The following STRN variants were observed in gnomAD, a reference collection of about 807,000 sequenced individuals.
The protein encoded by STRN is striatin.
In STRN, 53 loss-of-function variants were observed where a neutral mutation model predicts 96.3. The ratio of observed to expected loss-of-function variants is 0.55; its 90% CI spans 0.44 to 0.69. STRN has a LOEUF of 0.69. Among genes scored for constraint, STRN ranks in the 30% least tolerant of loss-of-function variants. The pLI, the probability that STRN is intolerant of heterozygous loss-of-function variation, is 0.00. For missense variants in STRN, 987 were observed against 963.9 expected (o/e 1.02, Z -0.32); for synonymous variants, 428 against 355.9 (o/e 1.20, Z -2.28).
intron 1 of STRN, among the ~76,000 whole-genome samples, chr2:36,953,389 T>C (rs1444116352): frequency 1.3e-5 from 2 of 151,564 alleles, no homozygotes; most frequent in African/African-American, 2.4e-5. Context: ...CATTATCTTA[T>C]ACAGATAAGG....
At chr2:36,880,480 T>C (rs1669041292) in intron 9 of STRN, among the ~76,000 whole-genome samples, 1 of 152,138 alleles carries the variant, frequency 6.6e-6, no homozygotes, top group Admixed American at 6.5e-5. Context: ...TTAAAAACAG[T>C]AGTGACAAAC....
At chr2:36,909,325 A>G (rs1449246275) in intron 3 of STRN, among the ~76,000 whole-genome samples, 1 of 152,134 alleles carries the variant, frequency 6.6e-6, no homozygotes, top group East Asian at 1.9e-4. Flanking sequence ...ACATTATATA[A>G]AAGTGAGGAT....
At chr2:36,862,500 A>C (rs952144610) in intron 12 of STRN, among the ~76,000 whole-genome samples, 1 of 152,086 alleles carries the variant, frequency 6.6e-6, no homozygotes, top group South Asian at 2.1e-4. Context: ...TGTAATAATA[A>C]GTGTTGTTGA....
intron 10 of STRN, among the ~76,000 whole-genome samples, chr2:36,870,599 T>C (rs533983341): frequency 2.6e-5 from 4 of 152,328 alleles, no homozygotes; most frequent in Admixed American, 6.5e-5. Context: ...ACTCACATGT[T>C]TGTGGTGATG....
At chr2:36,873,491 C>G (rs80309070) in intron 10 of STRN, among the ~76,000 whole-genome samples, 6,152 of 152,008 alleles carry the variant, frequency 0.04, 193 homozygotes, top group East Asian at 0.13. Context: ...GCCCAGAAGG[C>G]AGAAGTTGCA....
chr2:36,886,722 C>G lies in STRN; in HGVS notation c.1036G>C (p.Val346Leu). The change falls in exon 8 of 18, where the codon GTG becomes CTG. Residue 346 changes from valine to leucine, a missense_variant. Transcript: ENST00000263918. ...TACAATGTTTTCCACTTACTCTTCA[C>G]CCCCTTTTTCCCCTTTCTCTCCTTT... is the stretch of plus-strand genomic sequence containing the variant. ...YKKERKGKKG[V>L]KRPNRSKLQD... 2 of 1,607,550 alleles carry G rather than the reference C, an allele frequency of 1.2e-6. No individual in the cohort carries two copies. The highest frequency in any genetic ancestry group is 1.7e-6 in the Non-Finnish European group (2 of 1,176,316).
At position 36,840,639 on chromosome 2, in the gene STRN, A is replaced by T. The variant is rs1160053444; in HGVS notation, c.*8817T>A. 1.3e-5 allele frequency: 2 copies of T among 151,510 alleles called. No individual in the cohort carries two copies. Among genetic ancestry groups the T allele is most frequent in the Middle Eastern group, 3.4e-3 (1 of 292 alleles). 9.4% of individuals were successfully genotyped at this position (151,510 alleles called of 1,614,324 possible). On this transcript the variant is annotated 3_prime_UTR_variant, in exon 18 of 18. Transcript: ENST00000263918. ...AACAAATATTTATAGGGTACCTTTTATATGGCAAGGCACCAGGCACAGTGC... is the reference window on the plus strand; with the variant it reads ...AACAAATATTTATAGGGTACCTTTTTTATGGCAAGGCACCAGGCACAGTGC...
chr2:36,855,104 G>A lies in STRN; in HGVS notation c.1978+108C>T, dbSNP rs979435745. The A allele has an allele frequency of 1.4e-5, 16 of 1,178,984 alleles. No homozygotes were observed. The Admixed American group carries it at 3.8e-4, about 28-fold the overall frequency. 73.0% of individuals were successfully genotyped at this position (1,178,984 alleles called of 1,614,324 possible). A position where few individuals can be genotyped will look rare whatever the true frequency, so the allele number is the denominator to read the frequency against. ...AGTAACTGTGTTCTGAAAGTTAAGAGACAGAAAGCTTTATAATGACAAATA... is the reference window on the plus strand; with the variant it reads ...AGTAACTGTGTTCTGAAAGTTAAGAAACAGAAAGCTTTATAATGACAAATA... On this transcript the variant is annotated intron_variant, in intron 15 of 17. Transcript: ENST00000263918.
chr2:36,961,115 CTTTT>C (rs551915869), intron 1 of STRN, among the ~76,000 whole-genome samples: 13 of 60,318 alleles, frequency 2.2e-4, no homozygotes, highest in Non-Finnish European at 2.7e-4. Flanking sequence ...CCAGGCTGCA[CTTTT>C]TTTTTTTTTT....
intron 3 of STRN, among the ~76,000 whole-genome samples, chr2:36,915,020 A>G (rs1572670997): frequency 6.6e-6 from 1 of 151,322 alleles, no homozygotes; most frequent in South Asian, 2.1e-4. Context: ...ACACGGTGAA[A>G]CCCCGTCTCT....
intron 3 of STRN, among the ~76,000 whole-genome samples, chr2:36,909,031 G>T (rs142806884): frequency 1.3e-5 from 2 of 150,806 alleles, no homozygotes; most frequent in African/African-American, 4.9e-5. Context: ...TGGCGCATGC[G>T]TGTAATCCCA....
rs1035966163 is a variant in STRN, at chr2:36,848,714, G to A, written c.*742C>T. The A allele has an allele frequency of 6.6e-6, 1 of 152,202 alleles. No individual in the cohort carries two copies. The highest frequency in any genetic ancestry group is 2.4e-5 in the African/African-American group (1 of 41,434). 9.4% of individuals were successfully genotyped at this position (152,202 alleles called of 1,614,324 possible). A position where few individuals can be genotyped will look rare whatever the true frequency, so the allele number is the denominator to read the frequency against. On this transcript the variant is annotated 3_prime_UTR_variant, in exon 18 of 18. Transcript: ENST00000263918. Reference sequence around the variant, plus strand: ...TAAATCTGTTAGTAAAAGCAGAGTCGATCAACTATTCTTCACAATGGTGAG... The same window carrying A: ...TAAATCTGTTAGTAAAAGCAGAGTCAATCAACTATTCTTCACAATGGTGAG...
chr2:36,928,849 T>C (rs1000924537), intron 1 of STRN, among the ~76,000 whole-genome samples: 1 of 142,840 alleles, frequency 7.0e-6, no homozygotes, highest in African/African-American at 2.6e-5. Context: ...CTTGGGAGGC[T>C]GAGGCACAGA....
At chr2:36,872,083 G>A (rs796402690) in intron 10 of STRN, among the ~76,000 whole-genome samples, 4 of 152,314 alleles carry the variant, frequency 2.6e-5, no homozygotes, top group African/African-American at 9.6e-5. Flanking sequence ...TAATGTGGTA[G>A]GCAGCCACTA....
At chr2:36,928,980 A>G (rs1558657319) in intron 1 of STRN, among the ~76,000 whole-genome samples, 2 of 151,918 alleles carry the variant, frequency 1.3e-5, no homozygotes, top group Admixed American at 6.6e-5. Context: ...CATGAATAAA[A>G]TGTTTAAAAA....
At chr2:36,914,396 C>G (rs192818122) in intron 3 of STRN, among the ~76,000 whole-genome samples, 128 of 152,318 alleles carry the variant, frequency 8.4e-4, no homozygotes, top group Non-Finnish European at 1.5e-3. Flanking sequence ...ATTAAAATCA[C>G]TCCTTTGAGT....
intron 1 of STRN, among the ~76,000 whole-genome samples, chr2:36,964,181 G>GGC (rs1491565693): frequency 3.0e-5 from 2 of 66,600 alleles, no homozygotes; most frequent in South Asian, 6.8e-4. Flanking sequence ...TGAACGGGGC[G>GGC]GGGCGGGGGG....
chr2:36,871,901 C>T (rs1009119414), intron 10 of STRN, among the ~76,000 whole-genome samples: 3 of 152,144 alleles, frequency 2.0e-5, no homozygotes, highest in Non-Finnish European at 4.4e-5. Context: ...ATGGATAGAA[C>T]ATGTCAAATT....
chr2:36,898,006 C>T (rs1267788044), intron 6 of STRN, among the ~76,000 whole-genome samples: 1 of 152,134 alleles, frequency 6.6e-6, no homozygotes, highest in Non-Finnish European at 1.5e-5. Context: ...CTGCTATGAT[C>T]TGCACTAATT....
Sources: allele counts gnomAD v4.1 joint callset (sites outside exome capture counted in the v4.1 genomes callset), GRCh38; gene constraint gnomAD v4.1.1; transcripts MANE v1.5; gene names NCBI Gene and HGNC (gene_info 2026-07-23, HGNC 2026-07-21).